The following AOPEP variants were observed in gnomAD, a reference collection of about 807,000 sequenced individuals.
AOPEP encodes the protein aminopeptidase O (putative), also known as aminopeptidase O.
Under a neutral mutation model 98.1 loss-of-function variants are expected in AOPEP, and 77 were observed. The ratio of observed to expected loss-of-function variants is 0.78; its 90% CI spans 0.65 to 0.95. The LOEUF (loss-of-function observed/expected upper bound fraction) is 0.95. Among genes scored for constraint, AOPEP ranks in the 40% least tolerant of loss-of-function variants. The pLI is 0.00. For synonymous variants in AOPEP, 346 were observed against 365.3 expected, an observed-to-expected ratio of 0.95 and a Z score of 0.60; for missense variants, 1,024 against 1,024.7, an observed-to-expected ratio of 1.00 and a Z score of 0.01.
intron 5 of AOPEP, among the ~76,000 whole-genome samples, chr9:94,848,418 C>CT (rs1043615673): frequency 1.4e-5 from 2 of 145,266 alleles, no homozygotes; most frequent in African/African-American, 5.1e-5. Context: ...CACCACTGCA[C>CT]TCCAGCCTGG....
At chr9:94,969,966 G>A (rs2059435800) in intron 10 of AOPEP, among the ~76,000 whole-genome samples, 1 of 152,134 alleles carries the variant, frequency 6.6e-6, no homozygotes, top group Non-Finnish European at 1.5e-5. Context: ...GTGTCTCCAG[G>A]GTACAGTGTC....
At chr9:95,058,731 G>GA (rs1307805155) in intron 13 of AOPEP, among the ~76,000 whole-genome samples, 2 of 152,218 alleles carry the variant, frequency 1.3e-5, no homozygotes, top group Non-Finnish European at 2.9e-5. Context: ...GAAGTGGGGA[G>GA]AGCCCACGAC....
At position 94,759,676 on chromosome 9, in the gene AOPEP, C is replaced by A; in HGVS notation, c.-108C>A. 1 of 849,862 alleles carries A rather than the reference C, an allele frequency of 1.2e-6. No homozygotes were observed. Among genetic ancestry groups the A allele is most frequent in the Non-Finnish European group, 1.8e-6 (1 of 559,882 alleles). The allele number at this position is 849,862 out of a possible 1,614,324, so 52.6% of individuals were successfully genotyped here. On this transcript the variant is annotated 5_prime_UTR_variant, in exon 2 of 17. Coordinates refer to ENST00000375315, the MANE Select transcript of AOPEP (RefSeq NM_001193329.3). ...GACTGAAAGGAACCATAATTTGTGACATCAGTTGTTTTCTTTGATAAGCAG... is the reference window on the plus strand; with the variant it reads ...GACTGAAAGGAACCATAATTTGTGAAATCAGTTGTTTTCTTTGATAAGCAG...
At chr9:94,806,331 A>G (rs997942534) in intron 5 of AOPEP, among the ~76,000 whole-genome samples, 1 of 152,068 alleles carries the variant, frequency 6.6e-6, no homozygotes, top group East Asian at 1.9e-4. Context: ...TTGTTTTTTA[A>G]AAAGATGTTG....
intron 13 of AOPEP, chr9:95,006,158 CCTGT>C (rs1303618432): frequency 4.3e-6 from 2 of 459,852 alleles, no homozygotes; most frequent in Non-Finnish European, 9.0e-6. Flanking sequence ...GTTTGGACTG[CCTGT>C]CTTTTGATTT....
intron 5 of AOPEP, among the ~76,000 whole-genome samples, chr9:94,832,436 G>A (rs1024223808): frequency 2.0e-5 from 3 of 152,188 alleles, no homozygotes; most frequent in African/African-American, 4.8e-5. Flanking sequence ...AGTTGCAGGG[G>A]AAGCGTCAAT....
chr9:95,035,897 A>G (rs906058895), intron 13 of AOPEP, among the ~76,000 whole-genome samples: 54 of 152,090 alleles, frequency 3.6e-4, no homozygotes, highest in African/African-American at 1.0e-3. Flanking sequence ...CCGGCCCCCA[A>G]TCATTCACTC....
At chr9:94,912,389 G>A (rs962704596) in intron 5 of AOPEP, among the ~76,000 whole-genome samples, 2 of 151,982 alleles carry the variant, frequency 1.3e-5, no homozygotes, top group African/African-American at 2.4e-5. Flanking sequence ...CCCAGCCCCC[G>A]ACCCCCATGC....
At position 95,053,707 on chromosome 9, in the gene AOPEP, TTTG is replaced by T. The variant is rs60251468; in HGVS notation, c.2116-6959_2116-6957del. 1.5e-3 allele frequency among the ~76,000 whole-genome samples: 225 copies of T among 150,816 alleles called. 1 individual carries two copies. Among genetic ancestry groups the T allele is most frequent in the East Asian group, 2.4e-3 (12 of 5,096 alleles). The stretch of plus-strand genomic sequence containing the variant: ...ATTTAGGTAAGAGCATTAATTCATT[TTTG>T]TTGTTGTTGTTGTTGTTGTTGTTGT... On this transcript the variant is annotated intron_variant, in intron 13 of 16. Coordinates refer to ENST00000375315, the MANE Select transcript of AOPEP (RefSeq NM_001193329.3).
chr9:95,127,394 G>A, the AOPEP span: 1 of 152,376 alleles, frequency 6.6e-6, no homozygotes. Flanking sequence ...TTTCTTGGAA[G>A]GCAATGTTTC....
chr9:95,033,975 T>C (rs773666008), intron 13 of AOPEP, among the ~76,000 whole-genome samples: 5 of 152,204 alleles, frequency 3.3e-5, no homozygotes, highest in Non-Finnish European at 7.3e-5. Flanking sequence ...AAAAATCTTA[T>C]ATATTGTTTT....
intron 13 of AOPEP, among the ~76,000 whole-genome samples, chr9:95,045,842 C>A (rs2065816520): frequency 6.6e-6 from 1 of 152,166 alleles, no homozygotes; most frequent in Non-Finnish European, 1.5e-5. Flanking sequence ...GGGAGCAGTA[C>A]CAGTAGATTT....
At chr9:94,757,235 G>C (rs1053598298) in intron 1 of AOPEP, among the ~76,000 whole-genome samples, 39 of 152,352 alleles carry the variant, frequency 2.6e-4, no homozygotes, top group African/African-American at 8.4e-4. Flanking sequence ...AATTATCTCA[G>C]CAAAGCAGGG....
chr9:95,081,268 A>G (rs1398491731), intron 15 of AOPEP, among the ~76,000 whole-genome samples: 3 of 152,152 alleles, frequency 2.0e-5, no homozygotes, highest in Non-Finnish European at 4.4e-5. Context: ...CCTTCCTAGG[A>G]GTTCACAGGC....
At chr9:95,147,409 G>T in the AOPEP span, among the ~76,000 whole-genome samples, 3 of 152,212 alleles carry the variant, frequency 2.0e-5, no homozygotes, top group South Asian at 6.2e-4. Context: ...CCAGCTACTC[G>T]GGAGGCTGAG....
At chr9:94,746,926 G>T (rs931959500) in intron 1 of AOPEP, among the ~76,000 whole-genome samples, 6 of 151,952 alleles carry the variant, frequency 3.9e-5, no homozygotes, top group Non-Finnish European at 8.8e-5. Flanking sequence ...AACTGACAGT[G>T]ATTTGCTTTT....
chr9:95,087,507 A>C (rs1008082761), downstream of AOPEP, among the ~76,000 whole-genome samples: 1 of 143,840 alleles, frequency 7.0e-6, no homozygotes, highest in Non-Finnish European at 1.5e-5. Context: ...AAAAAAAAAA[A>C]AAGCACGTAC....
At chr9:95,111,287 C>T in the AOPEP span, 83 of 1,566,846 alleles carry the variant, frequency 5.3e-5, 2 homozygotes, top group South Asian at 4.6e-4. Flanking sequence ...GACAGGAGAA[C>T]GCCTCTGACC....
the AOPEP span, among the ~76,000 whole-genome samples, chr9:95,123,031 G>A: frequency 6.6e-6 from 1 of 152,254 alleles, no homozygotes. Context: ...GCCAGGCACA[G>A]TGGCTCAAGC....
Sources: allele counts gnomAD v4.1 joint callset (sites outside exome capture counted in the v4.1 genomes callset), GRCh38; gene constraint gnomAD v4.1.1; transcripts MANE v1.5; gene names NCBI Gene and HGNC (gene_info 2026-07-23, HGNC 2026-07-21).